NRCAM: variants seen among roughly 807,000 people sequenced by gnomAD.
The protein encoded by NRCAM is NgCAM-related cell adhesion molecule.
Under a neutral mutation model 156.5 loss-of-function variants are expected in NRCAM, and 83 were observed. The ratio of observed to expected loss-of-function variants is 0.53; its 90% CI spans 0.44 to 0.64. The LOEUF (loss-of-function observed/expected upper bound fraction) is 0.64, where lower values mean the gene tolerates loss of function less well. Ranked by LOEUF, NRCAM falls within the 30% of genes least tolerant of loss-of-function variation. The pLI, the probability that NRCAM is intolerant of heterozygous loss-of-function variation, is 0.00. For missense variants in NRCAM, 1,417 were observed against 1,597.3 expected, an observed-to-expected ratio of 0.89 and a Z score of 1.92; for synonymous variants, 538 against 563.9, an observed-to-expected ratio of 0.95 and a Z score of 0.65.
intron 2 of NRCAM, among the ~76,000 whole-genome samples, chr7:108,330,614 A>T (rs541871179): frequency 6.6e-6 from 1 of 152,278 alleles, no homozygotes; most frequent in African/African-American, 2.4e-5. Context: ...TCTATCAATG[A>T]ATCTGTCATT....
At chr7:108,167,280 G>A (rs1162842084) in intron 29 of NRCAM, among the ~76,000 whole-genome samples, 1 of 152,116 alleles carries the variant, frequency 6.6e-6, no homozygotes, top group African/African-American at 2.4e-5. Context: ...AAAATAGACT[G>A]GGTATCTAGC....
At position 108,149,739 on chromosome 7, in the gene NRCAM, A is replaced by G. The variant is rs530143823; in HGVS notation, c.*171T>C. 5.2e-4 allele frequency: 327 copies of G among 627,672 alleles called. 4 individuals carry two copies. In the South Asian group the frequency reaches 6.6e-3, roughly 13 times the overall value. The allele number at this position is 627,672 out of a possible 1,614,324, so 38.9% of individuals were successfully genotyped here. On this transcript the variant is annotated 3_prime_UTR_variant, in exon 33 of 33. Transcript: ENST00000379028. ...GTATGCACTTTGCATTCCAGTTCAT[A>G]TTAACATATCATTTGACTGAGTTAT... is the stretch of plus-strand genomic sequence containing the variant.
chr7:108,226,000 T>G (rs190297786), intron 9 of NRCAM, among the ~76,000 whole-genome samples: 1 of 152,280 alleles, frequency 6.6e-6, no homozygotes, highest in African/African-American at 2.4e-5. Context: ...GAACCAGTCA[T>G]GACAATAAAA....
In NRCAM at chr7:108,180,421, A is replaced by T. The variant is rs1357266573; in HGVS notation, c.2653T>A (p.Tyr885Asn). The change falls in exon 25 of 33, where the codon TAT becomes AAT. Residue 885 changes from tyrosine to asparagine, a missense_variant. Physicochemically the swap from Tyr to Asn is moderately radical, Grantham distance 143. Around this residue, in one of 2 missense-constraint regions of NRCAM, gnomAD observed 1,238 missense variants for 1,336.4 expected, o/e 0.93. Coordinates refer to ENST00000379028, the MANE Select transcript of NRCAM (RefSeq NM_001037132.4). ...TTAGATGAACTCTGGGTCTTCCAAT[A>T]GTAAATCTGAAACAGCAAGAACGAA... ...RGHLQGYRIY[Y>N]WKTQSSSKRN... The T allele has an allele frequency of 1.2e-6, 2 of 1,613,924 alleles. No individual in the cohort carries two copies. The highest frequency in any genetic ancestry group is 1.7e-6 in the Non-Finnish European group (2 of 1,179,768).
intron 20 of NRCAM, among the ~76,000 whole-genome samples, chr7:108,188,118 C>G (rs961591710): frequency 6.6e-6 from 1 of 152,076 alleles, no homozygotes; most frequent in Non-Finnish European, 1.5e-5. Context: ...GTAGAAGAAG[C>G]CTCAGACTAC....
intron 30 of NRCAM, among the ~76,000 whole-genome samples, chr7:108,161,451 C>A (rs969445450): frequency 6.6e-6 from 1 of 152,200 alleles, no homozygotes; most frequent in South Asian, 2.1e-4. Flanking sequence ...TTCAGACATG[C>A]CCATGCAGAT....
intron 1 of NRCAM, among the ~76,000 whole-genome samples, chr7:108,421,567 C>T (rs1809909566): frequency 6.6e-6 from 1 of 152,144 alleles, no homozygotes; most frequent in Non-Finnish European, 1.5e-5. Flanking sequence ...ATCATTATTA[C>T]TATTGTCATC....
intron 30 of NRCAM, among the ~76,000 whole-genome samples, chr7:108,166,392 C>T (rs575619595): frequency 1.7e-4 from 26 of 151,928 alleles, no homozygotes; most frequent in Admixed American, 3.9e-4. Flanking sequence ...GGATTACAGG[C>T]GCCCACCACC....
At chr7:108,216,986 G>A (rs2089425700) in intron 11 of NRCAM, among the ~76,000 whole-genome samples, 1 of 152,166 alleles carries the variant, frequency 6.6e-6, no homozygotes, top group African/African-American at 2.4e-5. Context: ...CTTTGGAGGA[G>A]AAGAGGCATT....
At chr7:108,205,397 T>C (rs1206795402) in intron 13 of NRCAM, among the ~76,000 whole-genome samples, 4 of 152,228 alleles carry the variant, frequency 2.6e-5, no homozygotes, top group Non-Finnish European at 5.9e-5. Context: ...ATGGCTGGTT[T>C]GGAAGGACAA....
Position 108,166,803 on chromosome 7 carries a change from T to C in NRCAM, c.3466+118A>G, listed in dbSNP as rs1470472071. On this transcript the variant is annotated intron_variant, in intron 30 of 32. Transcript: ENST00000379028. ...AAACTCCCAACCCAACAGGGCCCCA[T>C]AGAAAGACATTCATGCCCTACCCAT... 7.4e-6 allele frequency: 6 copies of C among 813,880 alleles called. No homozygotes were observed. The South Asian group carries it at 9.0e-5, about 12-fold the overall frequency. 50.4% of individuals were successfully genotyped at this position (813,880 alleles called of 1,614,324 possible). A position where few individuals can be genotyped will look rare whatever the true frequency, so the allele number is the denominator to read the frequency against.
chr7:108,389,282 G>GT, intron 2 of NRCAM, among the ~76,000 whole-genome samples: 1 of 152,138 alleles, frequency 6.6e-6, no homozygotes, highest in Non-Finnish European at 1.5e-5. Flanking sequence ...CACATCCCTT[G>GT]TAAGTTGGAT....
chr7:108,247,809 T>A (rs917573482), intron 3 of NRCAM, among the ~76,000 whole-genome samples: 4 of 152,182 alleles, frequency 2.6e-5, no homozygotes, highest in African/African-American at 9.7e-5. Flanking sequence ...CTTCTATTCT[T>A]CTCACTCTCC....
intron 2 of NRCAM, among the ~76,000 whole-genome samples, chr7:108,352,944 C>G (rs545501005): frequency 6.6e-6 from 1 of 152,036 alleles, no homozygotes. Context: ...AAAATATATT[C>G]CAAACCTATT....
chr7:108,175,364 T>C lies in NRCAM; in HGVS notation c.3152-7A>G, dbSNP rs1264474987. On this transcript the variant is annotated splice_polypyrimidine_tract_variant and splice_region_variant and intron_variant, in intron 27 of 32. Coordinates refer to ENST00000379028, the MANE Select transcript of NRCAM (RefSeq NM_001037132.4). Reference sequence around the variant, plus strand: ...TCAGGTGGAAGAATACCAGCTTTAATGAAGGGAAACAGAAATAGGACACTA... The same window carrying C: ...TCAGGTGGAAGAATACCAGCTTTAACGAAGGGAAACAGAAATAGGACACTA... 12 of 1,561,830 alleles carry C rather than the reference T, an allele frequency of 7.7e-6. No individual in the cohort carries two copies. Among genetic ancestry groups the C allele is most frequent in the African/African-American group, 5.4e-5 (4 of 73,722 alleles).
intron 2 of NRCAM, among the ~76,000 whole-genome samples, chr7:108,358,152 A>C (rs978800498): frequency 1.3e-5 from 2 of 148,898 alleles, no homozygotes; most frequent in Non-Finnish European, 3.0e-5. Flanking sequence ...TCACACCTGT[A>C]TTTCCAGTAC....
At chr7:108,233,635 T>C (rs573880815) in intron 6 of NRCAM, among the ~76,000 whole-genome samples, 1 of 152,300 alleles carries the variant, frequency 6.6e-6, no homozygotes, top group Non-Finnish European at 1.5e-5. Context: ...ATATATTATT[T>C]TGAGGCAAAC....
At chr7:108,354,090 T>A (rs757012544) in intron 2 of NRCAM, among the ~76,000 whole-genome samples, 1 of 152,218 alleles carries the variant, frequency 6.6e-6, no homozygotes, top group Non-Finnish European at 1.5e-5. Context: ...ACCAGTTACC[T>A]TAGCCCTTAA....
chr7:108,227,193 T>G (rs1171642967), intron 8 of NRCAM, among the ~76,000 whole-genome samples: 1 of 152,226 alleles, frequency 6.6e-6, no homozygotes, highest in Admixed American at 6.5e-5. Context: ...CTCCTTTAAA[T>G]GTGCACTGAA....
Sources: allele counts gnomAD v4.1 joint callset (sites outside exome capture counted in the v4.1 genomes callset), GRCh38; gene constraint gnomAD v4.1.1; regional missense constraint gnomAD v4.1.1; transcripts MANE v1.5; gene names NCBI Gene and HGNC (gene_info 2026-07-23, HGNC 2026-07-21).